The following OCIAD1 variants were observed in gnomAD, a reference collection of about 807,000 sequenced individuals.
OCIAD1 encodes the protein OCIA domain containing 1.
A neutral mutation model predicts 38.9 loss-of-function variants in OCIAD1; 29 were observed. The ratio of observed to expected loss-of-function variants is 0.74; its 90% CI spans 0.55 to 1.02. The LOEUF (loss-of-function observed/expected upper bound fraction) is 1.02. Among genes scored for constraint, OCIAD1 ranks in the 50% least tolerant of loss-of-function variants. The pLI is 0.00. For missense variants in OCIAD1, 288 were observed against 289.6 expected (o/e 0.99, Z 0.04); for synonymous variants, 110 against 92.0 (o/e 1.20, Z -1.12).
chr4:48,826,010 T>C (rs1777245661), intron 1 of OCIAD1, among the ~76,000 whole-genome samples: 2 of 151,944 alleles, frequency 1.3e-5, no homozygotes, highest in Admixed American at 1.3e-4. Context: ...CTAATTTTTG[T>C]AGTTTTAGGT....
chr4:48,825,671 T>G (rs1200123786), intron 1 of OCIAD1, among the ~76,000 whole-genome samples: 1 of 152,184 alleles, frequency 6.6e-6, no homozygotes, highest in African/African-American at 2.4e-5. Flanking sequence ...ATCAATAGCT[T>G]GTGGCATACC....
At chr4:48,848,247 A>G (rs1168317622) in intron 4 of OCIAD1, 152 bp from the exon 5 acceptor site, 4 of 436,660 alleles carry the variant, frequency 9.2e-6, no homozygotes, top group African/African-American at 2.0e-5. Context: ...TTCTCTTGAT[A>G]CTGAATTCAT....
rs571457201 is a variant in OCIAD1, at chr4:48,833,959, G to A, written c.139+478G>A. ...AGATTAGTTCCCATTTTATCATTGT[G>A]AAATGTTGTTATACTACCAGCTCTT... is the stretch of plus-strand genomic sequence containing the variant. On this transcript the variant is annotated intron_variant, in intron 3 of 8. Transcript: ENST00000264312. 5.3e-5 allele frequency among the ~76,000 whole-genome samples: 8 copies of A among 152,110 alleles called. No individual in the cohort carries two copies. The South Asian group carries it at 1.2e-3, about 24-fold the overall frequency.
chr4:48,810,852 A>G (rs532081978), intron 1 of OCIAD1, among the ~76,000 whole-genome samples: 32 of 150,744 alleles, frequency 2.1e-4, no homozygotes, highest in African/African-American at 7.6e-4. Context: ...ATGGGAGATA[A>G]AGAAGAGAGG....
chr4:48,807,215 T>C (rs1367729387), intron 1 of OCIAD1, among the ~76,000 whole-genome samples: 4 of 152,066 alleles, frequency 2.6e-5, no homozygotes, highest in Non-Finnish European at 5.9e-5. Flanking sequence ...ATGCAGGTTC[T>C]GATTGAGCAG....
intron 7 of OCIAD1, among the ~76,000 whole-genome samples, chr4:48,852,882 G>GTTTTTTTTTTTT (rs1439653723): frequency 7.9e-6 from 1 of 126,336 alleles, no homozygotes; most frequent in African/African-American, 3.2e-5. Flanking sequence ...TTTGTTTTTT[G>GTTTTTTTTTTTT]TTTTTTTTTT....
At chr4:48,834,928 TTTTG>T (rs900036132) in intron 3 of OCIAD1, among the ~76,000 whole-genome samples, 2 of 152,172 alleles carry the variant, frequency 1.3e-5, no homozygotes, top group African/African-American at 2.4e-5. Flanking sequence ...TAATTTTCTT[TTTTG>T]TTTGTTTGTT....
At chr4:48,855,464 T>C (rs1357634950) in intron 7 of OCIAD1, among the ~76,000 whole-genome samples, 1 of 152,178 alleles carries the variant, frequency 6.6e-6, no homozygotes, top group Non-Finnish European at 1.5e-5. Context: ...TTAGGAGAAA[T>C]TTAAATCCTC....
chr4:48,811,716 A>T (rs562602897), intron 1 of OCIAD1, among the ~76,000 whole-genome samples: 5 of 152,232 alleles, frequency 3.3e-5, no homozygotes, highest in African/African-American at 9.6e-5. Flanking sequence ...GATAAATCCA[A>T]TAGGAGTCAC....
chr4:48,825,659 G>A (rs1464997025), intron 1 of OCIAD1, among the ~76,000 whole-genome samples: 1 of 152,180 alleles, frequency 6.6e-6, no homozygotes, highest in Non-Finnish European at 1.5e-5. Context: ...CTGAGTGAGT[G>A]AATCAATAGC....
intron 8 of OCIAD1, among the ~76,000 whole-genome samples, chr4:48,860,401 G>C (rs1579129788): frequency 6.6e-6 from 1 of 150,738 alleles, no homozygotes; most frequent in African/African-American, 2.4e-5. Flanking sequence ...GATCTAAACA[G>C]ACCTATACTC....
rs1394573584 is a variant in OCIAD1, at chr4:48,859,023, A to G, written c.700+1658A>G. Among the ~76,000 whole-genome samples the G allele has an allele frequency of 6.6e-5, 10 of 152,308 alleles. No individual in the cohort carries two copies. The South Asian group carries it at 2.1e-3, about 32-fold the overall frequency. On this transcript the variant is annotated intron_variant, in intron 8 of 8. Coordinates refer to ENST00000264312, the MANE Select transcript of OCIAD1 (RefSeq NM_017830.4). Reference sequence around the variant, plus strand: ...TCAAGATTTTCTATTTACTACTTTAAAAATGGAAATAATAGGTCTTTGGTA... The same window carrying G: ...TCAAGATTTTCTATTTACTACTTTAGAAATGGAAATAATAGGTCTTTGGTA...
chr4:48,817,466 C>A (rs534626868), intron 1 of OCIAD1, among the ~76,000 whole-genome samples: 1 of 152,164 alleles, frequency 6.6e-6, no homozygotes. Context: ...AGATTCCCAC[C>A]AGGCCCCTGG....
rs555272993 is a variant in OCIAD1, at chr4:48,852,569, C to G, written c.547+594C>G. 3 of 152,272 alleles carry G rather than the reference C, an allele frequency of 2.0e-5. No individual in the cohort carries two copies. The South Asian group carries it at 6.2e-4, about 32-fold the overall frequency. 9.4% of individuals were successfully genotyped at this position (152,272 alleles called of 1,614,324 possible). A position where few individuals can be genotyped will look rare whatever the true frequency, so the allele number is the denominator to read the frequency against. On this transcript the variant is annotated intron_variant, in intron 7 of 8. Coordinates refer to ENST00000264312, the MANE Select transcript of OCIAD1 (RefSeq NM_017830.4). Reference sequence around the variant, plus strand: ...TTGAATCATGATTGACATTTGCTAGCTATGTGACCTTGTAATACTACTACT... The same window carrying G: ...TTGAATCATGATTGACATTTGCTAGGTATGTGACCTTGTAATACTACTACT...
Position 48,860,907 on chromosome 4 carries a change from GTGT to G in OCIAD1, c.*147_*149del. 1.5e-6 allele frequency: 1 copy of G among 657,762 alleles called. No individual in the cohort carries two copies. Among genetic ancestry groups the G allele is most frequent in the Non-Finnish European group, 2.7e-6 (1 of 368,516 alleles). The allele number at this position is 657,762 out of a possible 1,614,324, so 40.7% of individuals were successfully genotyped here. A position where few individuals can be genotyped will look rare whatever the true frequency, so the allele number is the denominator to read the frequency against. ...GGGTTTTTGTGGTTTGACTTCTATG[GTGT>G]TTTAAAAAAACACAGATTTTTAGTG... On this transcript the variant is annotated 3_prime_UTR_variant, in exon 9 of 9. Coordinates refer to ENST00000264312, the MANE Select transcript of OCIAD1 (RefSeq NM_017830.4).
chr4:48,842,613 A>C (rs766275004), intron 3 of OCIAD1, 23 bp from the exon 4 acceptor site: 3 of 1,535,668 alleles, frequency 2.0e-6, no homozygotes, highest in Non-Finnish European at 1.8e-6. Context: ...GTTGATGTTA[A>C]CAAGGTCTTT....
upstream of OCIAD1, among the ~76,000 whole-genome samples, chr4:48,827,847 G>C (rs750826412): frequency 1.8e-4 from 27 of 152,242 alleles, no homozygotes; most frequent in Admixed American, 9.2e-4. Context: ...CTGGGCTCCA[G>C]AGTTGGGTGG....
chr4:48,818,768 T>G (rs1777164878), intron 1 of OCIAD1, among the ~76,000 whole-genome samples: 1 of 152,096 alleles, frequency 6.6e-6, no homozygotes, highest in Admixed American at 6.6e-5. Context: ...AGGAGAACTT[T>G]GTGAAGCATA....
chr4:48,846,800 A>G (rs1463428698), intron 4 of OCIAD1, among the ~76,000 whole-genome samples: 1 of 152,056 alleles, frequency 6.6e-6, no homozygotes, highest in Non-Finnish European at 1.5e-5. Flanking sequence ...GACAAACATT[A>G]AAATTAGAGC....
Sources: allele counts gnomAD v4.1 joint callset (sites outside exome capture counted in the v4.1 genomes callset), GRCh38; gene constraint gnomAD v4.1.1; transcripts MANE v1.5; gene names NCBI Gene and HGNC (gene_info 2026-07-23, HGNC 2026-07-21).